Variants in CDH2 observed in about 807,000 individuals in gnomAD.
CDH2 encodes cadherin 2.
Under a neutral mutation model 92.0 loss-of-function variants are expected in CDH2, and 17 were observed. That is an observed-to-expected ratio of 0.18 (90% CI 0.13 to 0.28). The LOEUF (loss-of-function observed/expected upper bound fraction) is 0.28. Among genes scored for constraint, CDH2 ranks in the 10% least tolerant of loss-of-function variants. CDH2 has a pLI of 1.00. For missense variants in CDH2, 862 were observed against 1,133.1 expected, an observed-to-expected ratio of 0.76 and a Z score of 3.44; for synonymous variants, 419 against 415.9, an observed-to-expected ratio of 1.01 and a Z score of -0.09.
chr18:28,025,410 C>T (rs781737232), intron 2 of CDH2, among the ~76,000 whole-genome samples: 2 of 151,612 alleles, frequency 1.3e-5, no homozygotes, highest in Admixed American at 1.3e-4. Flanking sequence ...CCCAGCTACT[C>T]AGGAGGCTGA....
intron 2 of CDH2, among the ~76,000 whole-genome samples, chr18:28,029,822 T>G (rs952163949): frequency 2.0e-5 from 3 of 152,092 alleles, no homozygotes; most frequent in Admixed American, 6.6e-5. Flanking sequence ...TGCTACACAC[T>G]CTTAGTCCAG....
At chr18:28,074,026 TGA>T (rs1233816330) in intron 2 of CDH2, among the ~76,000 whole-genome samples, 3 of 152,206 alleles carry the variant, frequency 2.0e-5, no homozygotes, top group Admixed American at 2.0e-4. Context: ...CAAAAAATTC[TGA>T]GAGACTACAA....
At chr18:27,953,865 T>C (rs1909584234) in intron 15 of CDH2, among the ~76,000 whole-genome samples, 1 of 152,172 alleles carries the variant, frequency 6.6e-6, no homozygotes. Flanking sequence ...TATTAGTTAG[T>C]ATTTTTAAAA....
chr18:28,030,225 A>C (rs1485354719), intron 2 of CDH2, among the ~76,000 whole-genome samples: 3 of 152,144 alleles, frequency 2.0e-5, no homozygotes, highest in Non-Finnish European at 4.4e-5. Flanking sequence ...CATAAGCATA[A>C]AAGTGAAGAA....
At chr18:28,077,742 T>C (rs1384963660) in intron 2 of CDH2, among the ~76,000 whole-genome samples, 1 of 150,872 alleles carries the variant, frequency 6.6e-6, no homozygotes, top group East Asian at 1.9e-4. Flanking sequence ...AATACAAAAA[T>C]TAGGCGGGTG....
intron 2 of CDH2, among the ~76,000 whole-genome samples, chr18:28,139,686 A>G (rs1207987359): frequency 1.3e-5 from 2 of 151,668 alleles, no homozygotes; most frequent in African/African-American, 2.4e-5. Context: ...TTCCTCTCCT[A>G]CCTCACTGAT....
At chr18:28,015,010 T>A (rs1261533969) in intron 2 of CDH2, among the ~76,000 whole-genome samples, 1 of 152,194 alleles carries the variant, frequency 6.6e-6, no homozygotes, top group Non-Finnish European at 1.5e-5. Flanking sequence ...TATAATTACA[T>A]AGGATACTCT....
chr18:28,103,484 C>T (rs1048715020), intron 2 of CDH2, among the ~76,000 whole-genome samples: 10 of 148,014 alleles, frequency 6.8e-5, no homozygotes, highest in African/African-American at 9.9e-5. Flanking sequence ...TATATATACA[C>T]ACACACACAC....
intron 2 of CDH2, chr18:28,045,452 G>A (rs775083355): frequency 8.1e-5 from 38 of 466,972 alleles, no homozygotes; most frequent in Non-Finnish European, 1.8e-5. Context: ...TGTGGCCACA[G>A]CCTAAAAGTC....
chr18:28,017,978 G>A (rs999040347), intron 2 of CDH2, among the ~76,000 whole-genome samples: 2 of 151,954 alleles, frequency 1.3e-5, no homozygotes, highest in African/African-American at 2.4e-5. Context: ...TCAAACTGTC[G>A]CTGTTTGCTG....
chr18:28,067,377 CT>C (rs1365109957), intron 2 of CDH2, among the ~76,000 whole-genome samples: 2 of 152,076 alleles, frequency 1.3e-5, no homozygotes, highest in Non-Finnish European at 2.9e-5. Context: ...CCACTCACCC[CT>C]CTCCCCAATC....
At chr18:28,161,465 A>G (rs1473936178) in intron 1 of CDH2, among the ~76,000 whole-genome samples, 1 of 151,756 alleles carries the variant, frequency 6.6e-6, no homozygotes, top group East Asian at 2.0e-4. Context: ...CTGTAGTCCC[A>G]GCTACTTGGG....
chr18:27,953,533 AGAGAT>A, intron 15 of CDH2, among the ~76,000 whole-genome samples: 1 of 152,308 alleles, frequency 6.6e-6, no homozygotes, highest in African/African-American at 2.4e-5. Context: ...CCTACCCTTG[AGAGAT>A]CAAGCCTGCC....
rs2013995447 is a variant in CDH2, at chr18:28,043,469, T to TAA, written c.173-29561_173-29560insTT. Among the ~76,000 whole-genome samples, 3 of 66,094 alleles carry TAA rather than the reference T, an allele frequency of 4.5e-5. No individual in the cohort carries two copies. In the Admixed American group the frequency reaches 6.2e-4, roughly 14 times the overall value. 43.4% of individuals were successfully genotyped at this position (66,094 alleles called of 152,430 possible). ...AATTACTGATATAAATAAATATATA[T>TAA]ATATATATATATATATATATATATA... On this transcript the variant is annotated intron_variant, in intron 2 of 15. Transcript: ENST00000269141.
chr18:28,110,050 G>A (rs79861290), intron 2 of CDH2, among the ~76,000 whole-genome samples: 1 of 152,134 alleles, frequency 6.6e-6, no homozygotes, highest in South Asian at 2.1e-4. Context: ...GTCCTTTTCT[G>A]AGGTAAGAGG....
At chr18:28,124,314 C>A (rs2015639302) in intron 2 of CDH2, among the ~76,000 whole-genome samples, 1 of 152,090 alleles carries the variant, frequency 6.6e-6, no homozygotes, top group Non-Finnish European at 1.5e-5. Context: ...CAAAATAAGC[C>A]TGAATGTGCT....
intron 2 of CDH2, among the ~76,000 whole-genome samples, chr18:28,086,077 C>T (rs1368623111): frequency 1.3e-5 from 2 of 152,068 alleles, no homozygotes; most frequent in Non-Finnish European, 2.9e-5. Flanking sequence ...TGTTAATTTT[C>T]GCCTAACACA....
rs571014767 is a variant in CDH2 at position 28,120,833 on chromosome 18, G to C, written c.172+26840C>G. Among the ~76,000 whole-genome samples the C allele has an allele frequency of 2.0e-5, 3 of 152,224 alleles. No individual in the cohort carries two copies. In the South Asian group the frequency reaches 6.2e-4, roughly 32 times the overall value. ...ACACAGATATCACCCACACTATTAAGTTGTTTGTTGTTGTTTTTATTTCCT... is the reference window on the plus strand; with the variant it reads ...ACACAGATATCACCCACACTATTAACTTGTTTGTTGTTGTTTTTATTTCCT... On this transcript the variant is annotated intron_variant, in intron 2 of 15. Transcript: ENST00000269141.
intron 1 of CDH2, among the ~76,000 whole-genome samples, chr18:28,166,349 A>T (rs752280628): frequency 6.6e-6 from 1 of 151,854 alleles, no homozygotes; most frequent in Non-Finnish European, 1.5e-5. Context: ...TCGACGTTTG[A>T]GTACACCACT....
Sources: gnomAD v4.1 joint callset for allele counts (sites outside exome capture counted in the v4.1 genomes callset) on GRCh38, gnomAD v4.1.1 for gene constraint, MANE v1.5 for transcripts, NCBI Gene and HGNC (gene_info 2026-07-23, HGNC 2026-07-21) for gene names.